The following GGA3 variants were observed in gnomAD, a reference collection of about 807,000 sequenced individuals.
GGA3 encodes ADP-ribosylation factor-binding protein GGA3.
In GGA3, 57 loss-of-function variants were observed where a neutral mutation model predicts 77.5. The observed-to-expected ratio is 0.74, with a 90% CI of 0.59 to 0.92. The LOEUF (loss-of-function observed/expected upper bound fraction) is 0.92. Ranked by LOEUF, GGA3 falls within the 40% of genes least tolerant of loss-of-function variation. The pLI is 0.00. For missense variants in GGA3, 970 were observed against 914.9 expected (o/e 1.06, Z -0.78); for synonymous variants, 416 against 383.7 (o/e 1.08, Z -0.98).
At chr17:75,248,865 A>T in intron 1 of GGA3, 1 of 984,034 alleles carries the variant, frequency 1.0e-6, no homozygotes, top group East Asian at 1.1e-4. Context: ...ATCATAACAG[A>T]GACTCCAGCT....
chr17:75,248,156 G>T (rs1262965431), intron 1 of GGA3, among the ~76,000 whole-genome samples: 3 of 152,168 alleles, frequency 2.0e-5, no homozygotes, highest in African/African-American at 7.2e-5. Context: ...TCTCATAATT[G>T]TATTTTGTTA....
At position 75,244,602 on chromosome 17, in the gene GGA3, A is replaced by T; in HGVS notation, c.300+17T>A. 1 of 1,534,282 alleles carries T rather than the reference A, an allele frequency of 6.5e-7. No homozygotes were observed. Among genetic ancestry groups the T allele is most frequent in the Non-Finnish European group, 9.0e-7 (1 of 1,107,186 alleles). On this transcript the variant is annotated intron_variant, in intron 4 of 16. Transcript: ENST00000537686. Reference sequence around the variant, plus strand: ...CAAAAGAAGTCCCTAAAAGCGAGGAATCTGCCGCTGACTGACCTTTGGAGA... The same window carrying T: ...CAAAAGAAGTCCCTAAAAGCGAGGATTCTGCCGCTGACTGACCTTTGGAGA...
At chr17:75,261,873 C>A (rs2077397115), upstream of GGA3, 2 of 1,603,638 alleles carry the variant, frequency 1.2e-6, no homozygotes, top group East Asian at 2.2e-5. Flanking sequence ...CGAGGGCAGT[C>A]CTTGTGGGGT....
At chr17:75,238,828 A>G (rs2076415272) in intron 15 of GGA3, 66 bp from the exon 16 acceptor site, 2 of 1,552,762 alleles carry the variant, frequency 1.3e-6, no homozygotes, top group African/African-American at 1.4e-5. Flanking sequence ...TGCAGTGCAC[A>G]CACACACTGC....
At position 75,237,568 on chromosome 17, in the gene GGA3, C is replaced by T. The variant is rs1397918914; in HGVS notation, c.*711G>A. The T allele has an allele frequency of 2.0e-5, 31 of 1,535,706 alleles. No homozygotes were observed. In the South Asian group the frequency reaches 3.6e-4, roughly 18 times the overall value. On this transcript the variant is annotated 3_prime_UTR_variant, in exon 17 of 17. Coordinates refer to ENST00000537686, the MANE Select transcript of GGA3 (RefSeq NM_138619.4). ...GGAAATACTGGCTCTCTTCATTTTC[C>T]TTCCTATCCCTAGTTGGGCCTGTCA...
intron 1 of GGA3, 50 bp downstream of exon 1, chr17:75,261,496 CAG>C: frequency 7.0e-7 from 1 of 1,424,172 alleles, no homozygotes; most frequent in Non-Finnish European, 9.3e-7. Context: ...GGGGTGAAGA[CAG>C]GGGCAGCCCA....
chr17:75,241,845 T>G (rs1455055821), intron 8 of GGA3, 149 bp from the exon 9 acceptor site: 1 of 703,116 alleles, frequency 1.4e-6, no homozygotes. Context: ...CACGTCTTCT[T>G]GCCACCAGCC....
At chr17:75,240,295 T>G (rs375387280) in intron 12 of GGA3, 47 bp downstream of exon 12, 43 of 1,340,318 alleles carry the variant, frequency 3.2e-5, no homozygotes, top group Non-Finnish European at 4.3e-5. Flanking sequence ...CGCTGGAAAG[T>G]GGAGGTCCTT....
intron 1 of GGA3, among the ~76,000 whole-genome samples, chr17:75,255,992 G>A (rs1354908884): frequency 6.6e-6 from 1 of 152,170 alleles, no homozygotes; most frequent in Non-Finnish European, 1.5e-5. Flanking sequence ...ATCCTCATCT[G>A]TTACCTATCT....
intron 3 of GGA3, among the ~76,000 whole-genome samples, chr17:75,246,145 C>T (rs1344300646): frequency 6.6e-6 from 1 of 152,238 alleles, no homozygotes; most frequent in Non-Finnish European, 1.5e-5. Context: ...TTTTCTTCAG[C>T]TGGCCAGCTC....
intron 3 of GGA3, among the ~76,000 whole-genome samples, 163 bp from the exon 4 acceptor site, chr17:75,244,880 CA>C (rs1378557911): frequency 1.3e-5 from 2 of 152,118 alleles, no homozygotes; most frequent in African/African-American, 2.4e-5. Context: ...TGTAATTAAG[CA>C]ACGAGATCAC....
upstream of GGA3, chr17:75,262,286 A>C (rs994159308): frequency 1.1e-5 from 7 of 661,192 alleles, no homozygotes; most frequent in Non-Finnish European, 1.8e-5. Flanking sequence ...CCTTACCGTT[A>C]GCACTTGACC....
chr17:75,261,418 C>T, intron 1 of GGA3, 130 bp downstream of exon 1: 1 of 644,920 alleles, frequency 1.6e-6, no homozygotes, highest in African/African-American at 1.9e-5. Flanking sequence ...GCAGGCTGCT[C>T]GCGGCGAGGG....
chr17:75,261,826 CT>C, upstream of GGA3: 2 of 1,496,802 alleles, frequency 1.3e-6, no homozygotes, highest in Non-Finnish European at 9.1e-7. Context: ...CCTGAGGAGT[CT>C]TTTTCACCCG....
Position 75,242,840 on chromosome 17 carries a change from C to G in GGA3, c.600G>C (p.Met200Ile). 1 of 1,613,520 alleles carries G rather than the reference C, an allele frequency of 6.2e-7. No individual in the cohort carries two copies. Among genetic ancestry groups the G allele is most frequent in the Non-Finnish European group, 8.5e-7 (1 of 1,179,406 alleles). Residue 200 changes from methionine to isoleucine, a missense_variant, in exon 7 of 17, where the codon ATG becomes ATC. Met to Ile is a conservative substitution (Grantham distance 10, BLOSUM62 1). Transcript: ENST00000537686. ...ACCGGGGCCCACTCACTTCCTTCAC[C>G]ATGGACTTGATGAGCTTGTTGGCCT... The part of the protein sequence containing the change: ...LQEANKLIKS[M>I]VKEDEARIQK...
chr17:75,243,268 G>A, intron 5 of GGA3, 102 bp from the exon 6 acceptor site: 3 of 1,135,662 alleles, frequency 2.6e-6, no homozygotes, highest in Non-Finnish European at 3.9e-6. Context: ...CCTGCAAAGG[G>A]TAGCAGGGTG....
intron 1 of GGA3, chr17:75,249,095 G>A: frequency 2.9e-6 from 2 of 696,370 alleles, no homozygotes; most frequent in South Asian, 6.4e-5. Flanking sequence ...ACCCAGGCTG[G>A]AGTGCAGTGG....
At chr17:75,248,583 T>G (rs1431163795) in intron 1 of GGA3, among the ~76,000 whole-genome samples, 4 of 147,784 alleles carry the variant, frequency 2.7e-5, no homozygotes, top group African/African-American at 1.0e-4. Context: ...GGTCAGGAGT[T>G]CAAGACCAGC....
At chr17:75,262,271 C>A, upstream of GGA3, 3 of 646,004 alleles carry the variant, frequency 4.6e-6, no homozygotes, top group East Asian at 2.7e-5. Flanking sequence ...AGGCGCCAAG[C>A]CCATCCTTAC....
Sources: gnomAD v4.1 joint callset for allele counts (sites outside exome capture counted in the v4.1 genomes callset) on GRCh38, gnomAD v4.1.1 for gene constraint, MANE v1.5 for transcripts, NCBI Gene and HGNC (gene_info 2026-07-23, HGNC 2026-07-21) for gene names.